MARCHF10: variants seen among roughly 807,000 people sequenced by gnomAD.
MARCHF10 encodes the protein probable E3 ubiquitin-protein ligase MARCHF10.
In MARCHF10, 64 loss-of-function variants were observed where a neutral mutation model predicts 76.2. The observed-to-expected ratio is 0.84, with a 90% CI of 0.69 to 1.03. The LOEUF is 1.03. Ranked by LOEUF, MARCHF10 falls within the 50% of genes least tolerant of loss-of-function variation. MARCHF10 has a pLI of 0.00. For missense variants in MARCHF10, 875 were observed against 958.0 expected (o/e 0.91, Z 1.14); for synonymous variants, 340 against 357.5 (o/e 0.95, Z 0.55).
intron 7 of MARCHF10, among the ~76,000 whole-genome samples, 166 bp from the exon 8 acceptor site, chr17:62,722,763 T>A (rs2090553616): frequency 6.6e-6 from 1 of 151,740 alleles, no homozygotes; most frequent in Non-Finnish European, 1.5e-5. Context: ...ACCTTGAATC[T>A]GAGAGCTGAA....
At chr17:62,722,940 G>A (rs1053739712) in intron 7 of MARCHF10, among the ~76,000 whole-genome samples, 2 of 151,566 alleles carry the variant, frequency 1.3e-5, no homozygotes, top group Non-Finnish European at 2.9e-5. Context: ...TGTAAAAAGA[G>A]TGACTATTCA....
intron 1 of MARCHF10, among the ~76,000 whole-genome samples, chr17:62,802,325 T>G (rs2093087934): frequency 6.6e-6 from 1 of 152,278 alleles, no homozygotes; most frequent in South Asian, 2.1e-4. Context: ...GTTCAAGCGA[T>G]TCTCTTGCCT....
intron 4 of MARCHF10, among the ~76,000 whole-genome samples, chr17:62,757,825 A>G (rs999655230): frequency 5.3e-5 from 8 of 152,222 alleles, no homozygotes; most frequent in African/African-American, 1.7e-4. Context: ...TGGCTCTGTC[A>G]CTGAAACCTG....
intron 8 of MARCHF10, among the ~76,000 whole-genome samples, chr17:62,718,304 C>T (rs1214504937): frequency 6.6e-6 from 1 of 152,178 alleles, no homozygotes; most frequent in African/African-American, 2.4e-5. Context: ...TCAGTGGGAC[C>T]TGCGGCCTCA....
At chr17:62,730,231 AAAAAC>A (rs2090964072) in intron 6 of MARCHF10, among the ~76,000 whole-genome samples, 1 of 152,156 alleles carries the variant, frequency 6.6e-6, no homozygotes, top group African/African-American at 2.4e-5. Context: ...CCCAAAAAAC[AAAAAC>A]AAAACCATAA....
chr17:62,711,280 C>T lies in MARCHF10; in HGVS notation c.2279G>A (p.Arg760Lys). The change falls in exon 9 of 11, where the codon AGG (arginine) becomes AAG (lysine). Residue 760 changes from arginine to lysine, a missense_variant. Transcript: ENST00000311269. The surrounding 1 kb of genome is among the most constrained non-coding windows in gnomAD (Gnocchi z 4.4). ...GTTGAGCCTCATGAGTTCTGCAAAC[C>T]TCTGCTCATAGAGGTGAAGCAGCAG... The part of the protein sequence containing the change: ...LVLLLHLYEQ[R>K]FAELMRLNHN... 6.2e-7 allele frequency: 1 copy of T among 1,614,100 alleles called. No individual in the cohort carries two copies. Among genetic ancestry groups the T allele is most frequent in the South Asian group, 1.1e-5 (1 of 91,064 alleles).
chr17:62,764,198 G>C (rs1049805095), intron 3 of MARCHF10, among the ~76,000 whole-genome samples: 2 of 152,196 alleles, frequency 1.3e-5, no homozygotes, highest in Non-Finnish European at 2.9e-5. Flanking sequence ...GACCCGAAGA[G>C]CAAGTAGACT....
chr17:62,711,307 A>C lies in MARCHF10; in HGVS notation c.2252T>G (p.Val751Gly). The change falls in exon 9 of 11, where the codon GTG becomes GGG. Residue 751 changes from valine (V) to glycine (G), a missense_variant. Transcript: ENST00000311269. The surrounding 1 kb of genome is among the most constrained non-coding windows in gnomAD (Gnocchi z 4.4). ...CTGCTCATAGAGGTGAAGCAGCAGCACCAGGTACAAGCCTGAATTCATCAG... is the reference window on the plus strand; with the variant it reads ...CTGCTCATAGAGGTGAAGCAGCAGCCCCAGGTACAAGCCTGAATTCATCAG... Reference protein sequence around the residue: ...NELMNSGLYLVLLLHLYEQRF... With the variant: ...NELMNSGLYLGLLLHLYEQRF... The C allele has an allele frequency of 6.2e-7, 1 of 1,614,192 alleles. No homozygotes were observed.
At chr17:62,775,859 C>A (rs1370708482) in intron 3 of MARCHF10, among the ~76,000 whole-genome samples, 1 of 152,010 alleles carries the variant, frequency 6.6e-6, no homozygotes, top group Non-Finnish European at 1.5e-5. Context: ...TTCTGTCTCC[C>A]AGGCTGAAAT....
intron 3 of MARCHF10, among the ~76,000 whole-genome samples, chr17:62,774,287 C>A (rs887012286): frequency 1.4e-4 from 21 of 152,080 alleles, no homozygotes; most frequent in East Asian, 1.2e-3. Context: ...TCTGAGATGC[C>A]AGGATGTGGC....
rs772083938 is a variant in MARCHF10 at position 62,744,362 on chromosome 17, C to T, written c.535+14G>A. On this transcript the variant is annotated intron_variant, in intron 5 of 10. Transcript: ENST00000311269. ...CTCTCCAAGGACAAAGGTTCGGGAG[C>T]CCCGGGTCCTTACCTGCTCCCCTGG... 6.8e-6 allele frequency: 11 copies of T among 1,608,686 alleles called. No individual in the cohort carries two copies. Among genetic ancestry groups the T allele is most frequent in the South Asian group, 1.1e-5 (1 of 89,748 alleles).
intron 3 of MARCHF10, among the ~76,000 whole-genome samples, chr17:62,775,927 C>G (rs745349864): frequency 6.6e-6 from 1 of 151,974 alleles, no homozygotes; most frequent in Non-Finnish European, 1.5e-5. Context: ...AGTGATCCTC[C>G]CACCTCAGCC....
chr17:62,740,544 A>T (rs1407054465), intron 5 of MARCHF10, among the ~76,000 whole-genome samples: 1 of 152,192 alleles, frequency 6.6e-6, no homozygotes, highest in Non-Finnish European at 1.5e-5. Context: ...CCCATAATCC[A>T]AAACTCGGAT....
Position 62,744,054 on chromosome 17 carries a change from A to ATCCACCATCCAAATGCCC in MARCHF10, c.535+304_535+321dup, listed in dbSNP as rs2091610842. On this transcript the variant is annotated intron_variant, in intron 5 of 10. Coordinates refer to ENST00000311269, the MANE Select transcript of MARCHF10 (RefSeq NM_152598.4). ...CCCTGCCATCTACCACCCAAATGCC[A>ATCCACCATCCAAATGCCC]TCCACCATCCAAATGCCCTCTGGAG... 3.3e-5 allele frequency among the ~76,000 whole-genome samples: 5 copies of ATCCACCATCCAAATGCCC among 152,222 alleles called. No individual in the cohort carries two copies. The East Asian group carries it at 9.7e-4, about 29-fold the overall frequency.
intron 4 of MARCHF10, among the ~76,000 whole-genome samples, chr17:62,747,213 G>A (rs2091736724): frequency 2.6e-5 from 4 of 152,214 alleles, no homozygotes; most frequent in African/African-American, 9.6e-5. Flanking sequence ...TTGAGAAGAT[G>A]CATTCAGCCC....
intron 9 of MARCHF10, chr17:62,707,330 A>T (rs1240824092): frequency 6.6e-6 from 1 of 152,568 alleles, no homozygotes; most frequent in Non-Finnish European, 1.5e-5. Context: ...GACTTTCCCC[A>T]AACATGCAGG....
At chr17:62,795,828 G>A (rs1333292064) in intron 2 of MARCHF10, among the ~76,000 whole-genome samples, 4 of 152,034 alleles carry the variant, frequency 2.6e-5, no homozygotes, top group African/African-American at 9.7e-5. Context: ...GGGAATCCCT[G>A]GTCACACTGG....
At chr17:62,746,220 A>C (rs1450937348) in intron 4 of MARCHF10, among the ~76,000 whole-genome samples, 1 of 152,234 alleles carries the variant, frequency 6.6e-6, no homozygotes, top group Non-Finnish European at 1.5e-5. Context: ...TGGGTCCTGC[A>C]GGCCAAGACA....
At chr17:62,777,744 A>G (rs2092579995) in intron 3 of MARCHF10, among the ~76,000 whole-genome samples, 1 of 150,080 alleles carries the variant, frequency 6.7e-6, no homozygotes, top group Non-Finnish European at 1.5e-5. Context: ...AAAAAAGAAA[A>G]GTAGGTATAA....
Sources: allele counts gnomAD v4.1 joint callset (sites outside exome capture counted in the v4.1 genomes callset), GRCh38; gene constraint gnomAD v4.1.1; non-coding constraint Gnocchi (gnomAD v3.1); transcripts MANE v1.5; gene names NCBI Gene and HGNC (gene_info 2026-07-23, HGNC 2026-07-21).